The following YJU2 variants were observed in gnomAD, a reference collection of about 807,000 sequenced individuals.
The protein encoded by YJU2 is YJU2 splicing factor homolog, also known as splicing factor YJU2.
In YJU2, 28 loss-of-function variants were observed where a neutral mutation model predicts 39.6. That is an observed-to-expected ratio of 0.71 (90% CI 0.52 to 0.97). The LOEUF is 0.97. Ranked by LOEUF, YJU2 falls within the 50% of genes least tolerant of loss-of-function variation. The pLI, the probability that YJU2 is intolerant of heterozygous loss-of-function variation, is 0.00. For synonymous variants in YJU2, 184 were observed against 182.4 expected, an observed-to-expected ratio of 1.01 and a Z score of -0.07; for missense variants, 328 against 430.4, an observed-to-expected ratio of 0.76 and a Z score of 2.11.
chr19:4,260,151 G>A (rs914356817), intron 5 of YJU2, among the ~76,000 whole-genome samples: 4 of 152,184 alleles, frequency 2.6e-5, no homozygotes, highest in African/African-American at 7.2e-5. Flanking sequence ...GGGGCCGGGC[G>A]CAGGGTCTCC....
At chr19:4,261,520 G>A (rs1180062804) in intron 5 of YJU2, among the ~76,000 whole-genome samples, 1 of 151,776 alleles carries the variant, frequency 6.6e-6, no homozygotes, top group Non-Finnish European at 1.5e-5. Flanking sequence ...AATTAGCCGG[G>A]TGTGGTGGCA....
intron 5 of YJU2, among the ~76,000 whole-genome samples, chr19:4,259,182 T>C (rs557839262): frequency 2.2e-5 from 2 of 91,280 alleles, no homozygotes; most frequent in African/African-American, 1.4e-4. Context: ...CCCGGGTTCA[T>C]GCCATTCTGC....
At chr19:4,257,379 G>C (rs973278342) in intron 4 of YJU2, among the ~76,000 whole-genome samples, 12 of 152,206 alleles carry the variant, frequency 7.9e-5, no homozygotes, top group African/African-American at 2.4e-4. Flanking sequence ...GTCAACCTCT[G>C]CCTCCTGGGT....
chr19:4,249,775 C>T lies in YJU2; in HGVS notation c.125+447C>T, dbSNP rs140622187. Reference sequence around the variant, plus strand: ...AGGCTGGAGTGCAGTGGCGTGATCTCAGCTCACTGCAACCTCCACCTCCTG... The same window carrying T: ...AGGCTGGAGTGCAGTGGCGTGATCTTAGCTCACTGCAACCTCCACCTCCTG... On this transcript the variant is annotated intron_variant, in intron 2 of 7. Coordinates refer to ENST00000262962, the MANE Select transcript of YJU2 (RefSeq NM_018074.6). Among the ~76,000 whole-genome samples, 528 of 151,664 alleles carry T rather than the reference C, an allele frequency of 3.5e-3. 3 individuals are homozygous for T. Among genetic ancestry groups the T allele is most frequent in the African/African-American group, 0.012 (502 of 41,336 alleles).
chr19:4,249,224 G>A lies in YJU2; in HGVS notation c.25-4G>A, dbSNP rs1401298866. 1.2e-6 allele frequency: 2 copies of A among 1,604,814 alleles called. No homozygotes were observed. The highest frequency in any genetic ancestry group is 2.2e-5 in the South Asian group (2 of 90,536). ...TCCCCCAACGTTTCCTTCCTCCCCT[G>A]CAGAAATACTACCCGCCGGACTTTG... On this transcript the variant is annotated splice_region_variant and splice_polypyrimidine_tract_variant and intron_variant, in intron 1 of 7. Coordinates refer to ENST00000262962, the MANE Select transcript of YJU2 (RefSeq NM_018074.6).
intron 1 of YJU2, among the ~76,000 whole-genome samples, chr19:4,247,600 T>G (rs746664374): frequency 7.4e-5 from 2 of 26,898 alleles, no homozygotes; most frequent in Non-Finnish European, 1.7e-4. Flanking sequence ...TGTGTGTGTG[T>G]GTGTGTGTGT....
intron 1 of YJU2, among the ~76,000 whole-genome samples, chr19:4,248,746 C>G (rs977072857): frequency 3.3e-5 from 5 of 152,198 alleles, no homozygotes; most frequent in African/African-American, 1.2e-4. Context: ...TGGTGAAACC[C>G]CATCTCTACT....
intron 4 of YJU2, among the ~76,000 whole-genome samples, chr19:4,256,465 G>A (rs180949762): frequency 8.5e-5 from 13 of 152,124 alleles, no homozygotes; most frequent in Admixed American, 5.9e-4. Context: ...TGGGCCTGTC[G>A]CACTGCTGTC....
At chr19:4,255,863 C>T (rs147916713) in intron 4 of YJU2, among the ~76,000 whole-genome samples, 4,725 of 151,910 alleles carry the variant, frequency 0.031, 236 homozygotes, top group African/African-American at 0.11. Context: ...AAAAATTAAC[C>T]AGGCGTGGTG....
At chr19:4,257,450 G>A (rs908499991) in intron 4 of YJU2, among the ~76,000 whole-genome samples, 15 of 151,678 alleles carry the variant, frequency 9.9e-5, no homozygotes, top group African/African-American at 3.6e-4. Flanking sequence ...GTGCCACCAC[G>A]CCTGGATAAT....
At chr19:4,249,669 G>A (rs866934780) in intron 2 of YJU2, among the ~76,000 whole-genome samples, 1 of 151,268 alleles carries the variant, frequency 6.6e-6, no homozygotes, top group Admixed American at 6.6e-5. Context: ...ACACACTGCT[G>A]CCCCTGCTTG....
rs774527501 is a variant in YJU2, at chr19:4,268,627, G to A, written c.903G>A (p.Thr301=). The A allele has an allele frequency of 1.5e-5, 24 of 1,613,846 alleles. No homozygotes were observed. Among genetic ancestry groups the A allele is most frequent in the Middle Eastern group, 1.7e-4 (1 of 6,060 alleles). The part of the protein sequence containing the change: ...NRKEANPTPL[T]PGASSLSQLG... ...AGGAGGCCAACCCTACACCCCTGACGCCTGGCGCGTCCTCCCTGAGCCAAC... is the reference window on the plus strand; with the variant it reads ...AGGAGGCCAACCCTACACCCCTGACACCTGGCGCGTCCTCCCTGAGCCAAC... Residue 301 remains threonine, a synonymous_variant, in exon 8 of 8, where the codon ACG becomes ACA. Coordinates refer to ENST00000262962, the MANE Select transcript of YJU2 (RefSeq NM_018074.6).
chr19:4,260,634 T>A (rs1451640020), intron 5 of YJU2, among the ~76,000 whole-genome samples: 1 of 152,096 alleles, frequency 6.6e-6, no homozygotes, highest in Non-Finnish European at 1.5e-5. Flanking sequence ...CTAACATTTT[T>A]AATTTTTTTA....
intron 5 of YJU2, 86 bp from the exon 6 acceptor site, chr19:4,261,908 C>G: frequency 6.8e-7 from 1 of 1,469,614 alleles, no homozygotes; most frequent in Middle Eastern, 1.8e-4. Flanking sequence ...CTCCAGGCAC[C>G]CAGGCCCCTC....
chr19:4,268,766 C>A lies in YJU2; in HGVS notation c.*70C>A. The A allele has an allele frequency of 8.5e-7, 1 of 1,173,016 alleles. No homozygotes were observed. Among genetic ancestry groups the A allele is most frequent in the Non-Finnish European group, 1.2e-6 (1 of 803,998 alleles). 72.7% of individuals were successfully genotyped at this position (1,173,016 alleles called of 1,614,324 possible). A position where few individuals can be genotyped will look rare whatever the true frequency, so the allele number is the denominator to read the frequency against. ...TTCAGCCACATTGAGGCCAGCATTG[C>A]TGGTGGTCAGGGCAGGAGGCCTTGG... On this transcript the variant is annotated 3_prime_UTR_variant, in exon 8 of 8. Transcript: ENST00000262962.
intron 4 of YJU2, among the ~76,000 whole-genome samples, chr19:4,256,809 A>C (rs529906148): frequency 6.6e-6 from 1 of 152,250 alleles, no homozygotes; most frequent in East Asian, 1.9e-4. Flanking sequence ...CTGCTTGAGC[A>C]ACCTCACAAC....
chr19:4,247,611 GT>G lies in YJU2; in HGVS notation c.24+442del, dbSNP rs1568359575. Among the ~76,000 whole-genome samples the G allele has an allele frequency of 7.7e-3, 196 of 25,560 alleles. 23 individuals carry two copies. The highest frequency in any genetic ancestry group is 0.015 in the East Asian group (16 of 1,076). 16.8% of individuals were successfully genotyped at this position (25,560 alleles called of 152,430 possible). A position where few individuals can be genotyped will look rare whatever the true frequency, so the allele number is the denominator to read the frequency against. On this transcript the variant is annotated intron_variant, in intron 1 of 7. Coordinates refer to ENST00000262962, the MANE Select transcript of YJU2 (RefSeq NM_018074.6). ...TGTGTGTGTGTGTGTGTGTGTGTGT[GT>G]GTGTGTGTGTGTGTGTGTGTGTGTG...
intron 5 of YJU2, among the ~76,000 whole-genome samples, chr19:4,259,799 C>T (rs1168674309): frequency 6.6e-6 from 1 of 152,086 alleles, no homozygotes; most frequent in East Asian, 1.9e-4. Context: ...GTGGTGGCCT[C>T]TCCTGTGTCC....
Position 4,268,642 on chromosome 19 carries a change from C to T in YJU2, c.918C>T (p.Ser306=), listed in dbSNP as rs752985199. Reference sequence around the variant, plus strand: ...CACCCCTGACGCCTGGCGCGTCCTCCCTGAGCCAACTGGGTGCATACCTGG... The same window carrying T: ...CACCCCTGACGCCTGGCGCGTCCTCTCTGAGCCAACTGGGTGCATACCTGG... ...NPTPLTPGAS[S]LSQLGAYLDS... is the part of the protein sequence containing the mutation. The change falls in exon 8 of 8, where the codon TCC becomes TCT. Residue 306 remains serine, a synonymous_variant. Transcript: ENST00000262962. 5 of 1,613,980 alleles carry T rather than the reference C, an allele frequency of 3.1e-6. No individual in the cohort carries two copies. Among genetic ancestry groups the T allele is most frequent in the Non-Finnish European group, 4.2e-6 (5 of 1,179,966 alleles).
Sources: allele counts gnomAD v4.1 joint callset (sites outside exome capture counted in the v4.1 genomes callset), GRCh38; gene constraint gnomAD v4.1.1; transcripts MANE v1.5; gene names NCBI Gene and HGNC (gene_info 2026-07-23, HGNC 2026-07-21).